SAMD4A: variants seen among roughly 807,000 people sequenced by gnomAD.
The protein encoded by SAMD4A is sterile alpha motif domain containing 4A, also known as protein Smaug homolog 1.
In SAMD4A, 33 loss-of-function variants were observed where a neutral mutation model predicts 81.3. That is an observed-to-expected ratio of 0.41 (90% CI 0.31 to 0.54). The LOEUF (loss-of-function observed/expected upper bound fraction) is 0.54. Ranked by LOEUF, SAMD4A falls within the 20% of genes least tolerant of loss-of-function variation. The pLI is 0.37. For synonymous variants in SAMD4A, 389 were observed against 382.1 expected, an observed-to-expected ratio of 1.02 and a Z score of -0.21; for missense variants, 854 against 951.1, an observed-to-expected ratio of 0.90 and a Z score of 1.34.
chr14:54,625,412 G>A (rs2140315969), intron 2 of SAMD4A, among the ~76,000 whole-genome samples: 1 of 152,334 alleles, frequency 6.6e-6, no homozygotes, highest in Admixed American at 6.5e-5. Context: ...GGAATGGAAT[G>A]TAAACATTGT....
intron 2 of SAMD4A, among the ~76,000 whole-genome samples, chr14:54,624,668 A>C (rs2034703024): frequency 6.6e-6 from 1 of 152,226 alleles, no homozygotes; most frequent in Non-Finnish European, 1.5e-5. Context: ...ATTGGCAAGA[A>C]AGCAAATAGT....
At chr14:54,581,232 A>G (rs546603530) in intron 2 of SAMD4A, among the ~76,000 whole-genome samples, 1 of 152,372 alleles carries the variant, frequency 6.6e-6, no homozygotes, top group Admixed American at 6.5e-5. Flanking sequence ...GTATTATACA[A>G]AAGCAGAGCG....
At chr14:54,661,848 G>C (rs1032998643) in intron 2 of SAMD4A, among the ~76,000 whole-genome samples, 1 of 152,078 alleles carries the variant, frequency 6.6e-6, no homozygotes, top group Non-Finnish European at 1.5e-5. Context: ...ACCAGGTGCC[G>C]AATGCTTATC....
chr14:54,694,793 T>C, intron 2 of SAMD4A: 1 of 985,408 alleles, frequency 1.0e-6, no homozygotes, highest in Non-Finnish European at 1.2e-6. Flanking sequence ...TCAGGACTAC[T>C]TCCCAGCTGG....
intron 3 of SAMD4A, among the ~76,000 whole-genome samples, chr14:54,729,899 TGGCTTCTTGTCTAGG>T (rs1447520871): frequency 6.6e-6 from 1 of 152,204 alleles, no homozygotes; most frequent in African/African-American, 2.4e-5. Flanking sequence ...ATATACATAT[TGGCTTCTTGTCTAGG>T]TATTTCATAA....
chr14:54,737,930 C>A (rs1383392758), intron 4 of SAMD4A, among the ~76,000 whole-genome samples: 2 of 138,456 alleles, frequency 1.4e-5, no homozygotes, highest in Non-Finnish European at 3.1e-5. Context: ...AAATAAATTC[C>A]TCCATTGCCT....
intron 7 of SAMD4A, among the ~76,000 whole-genome samples, chr14:54,761,587 A>G (rs1377525867): frequency 6.6e-6 from 1 of 152,154 alleles, no homozygotes; most frequent in East Asian, 1.9e-4. Flanking sequence ...ACTAGTTTAT[A>G]CAAAGCCTTC....
intron 2 of SAMD4A, among the ~76,000 whole-genome samples, chr14:54,571,197 G>T (rs2033118397): frequency 6.6e-6 from 1 of 152,122 alleles, no homozygotes; most frequent in Non-Finnish European, 1.5e-5. Flanking sequence ...GTGATTCACT[G>T]GTTCATCCTT....
chr14:54,709,668 TCAC>T (rs1240752380), intron 3 of SAMD4A, among the ~76,000 whole-genome samples: 2 of 152,114 alleles, frequency 1.3e-5, no homozygotes, highest in African/African-American at 4.8e-5. Context: ...TGTGTGTTCT[TCAC>T]CACGAGCCTG....
chr14:54,633,863 T>C (rs967409179), intron 2 of SAMD4A, among the ~76,000 whole-genome samples: 2 of 152,158 alleles, frequency 1.3e-5, no homozygotes, highest in Non-Finnish European at 2.9e-5. Context: ...TAAACAAATA[T>C]CAGCTTTTAT....
intron 3 of SAMD4A, among the ~76,000 whole-genome samples, chr14:54,705,970 G>A (rs938999016): frequency 1.3e-5 from 2 of 152,194 alleles, no homozygotes; most frequent in Non-Finnish European, 2.9e-5. Flanking sequence ...AGGCATATAG[G>A]ATGAAGTGCC....
At chr14:54,614,634 G>A (rs1466885672) in intron 2 of SAMD4A, among the ~76,000 whole-genome samples, 1 of 152,088 alleles carries the variant, frequency 6.6e-6, no homozygotes, top group African/African-American at 2.4e-5. Flanking sequence ...TATCTATTTT[G>A]TTTTCATAAA....
intron 2 of SAMD4A, among the ~76,000 whole-genome samples, chr14:54,620,833 C>T (rs981548977): frequency 6.6e-6 from 1 of 152,212 alleles, no homozygotes; most frequent in African/African-American, 2.4e-5. Flanking sequence ...AATCATAGCT[C>T]ACTGTAAACT....
chr14:54,702,241 C>T lies in SAMD4A; in HGVS notation c.376C>T (p.Leu126=). The T allele has an allele frequency of 6.2e-7, 1 of 1,614,218 alleles. No homozygotes were observed. Among genetic ancestry groups the T allele is most frequent in the Non-Finnish European group, 8.5e-7 (1 of 1,180,034 alleles). ...NQHIEESRQL[L]SYALIHPATS... ...GCACATTGAGGAGAGCAGGCAGCTGCTGTCCTATGCTTTGATACATCCAGC... is the reference window on the plus strand; with the variant it reads ...GCACATTGAGGAGAGCAGGCAGCTGTTGTCCTATGCTTTGATACATCCAGC... The change falls in exon 3 of 13, where the codon CTG becomes TTG. Residue 126 remains leucine (L), a synonymous_variant. Transcript: ENST00000554335.
intron 2 of SAMD4A, among the ~76,000 whole-genome samples, chr14:54,678,488 T>A (rs2036044945): frequency 1.6e-5 from 1 of 63,912 alleles, no homozygotes; most frequent in African/African-American, 5.4e-5. Flanking sequence ...TGTGTGTGTG[T>A]GTGTGTGTGT....
rs768130667 is a variant in SAMD4A at position 54,702,498 on chromosome 14, G to T, written c.633G>T (p.Gly211=). Residue 211 remains glycine, a synonymous_variant, in exon 3 of 13, where the codon GGG becomes GGT. Coordinates refer to ENST00000554335, the MANE Select transcript of SAMD4A (RefSeq NM_015589.6). ...NASNWQDKSM[G]CENGHVPLYS... ...CCAACTGGCAGGACAAAAGCATGGG[G>T]TGTGAGAATGGCCATGTGCCCCTCT... The T allele has an allele frequency of 6.2e-7, 1 of 1,614,204 alleles. No individual in the cohort carries two copies. Among genetic ancestry groups the T allele is most frequent in the Admixed American group, 1.7e-5 (1 of 60,020 alleles).
intron 2 of SAMD4A, among the ~76,000 whole-genome samples, chr14:54,577,134 AG>A (rs2033321596): frequency 2.0e-5 from 3 of 152,256 alleles, no homozygotes. Flanking sequence ...GGAGCCACAT[AG>A]AATGTGCTTG....
chr14:54,673,011 T>C (rs938755723), intron 2 of SAMD4A, among the ~76,000 whole-genome samples: 1 of 152,218 alleles, frequency 6.6e-6, no homozygotes, highest in Non-Finnish European at 1.5e-5. Context: ...CCTGGGACCC[T>C]TTCTCGAAGG....
chr14:54,632,332 T>C (rs2140342714), intron 2 of SAMD4A, among the ~76,000 whole-genome samples: 1 of 152,340 alleles, frequency 6.6e-6, no homozygotes, highest in South Asian at 2.1e-4. Flanking sequence ...ATAGTCAGTA[T>C]GTGCATGTTT....
Sources: gnomAD v4.1 joint callset for allele counts (sites outside exome capture counted in the v4.1 genomes callset) on GRCh38, gnomAD v4.1.1 for gene constraint, MANE v1.5 for transcripts, NCBI Gene and HGNC (gene_info 2026-07-23, HGNC 2026-07-21) for gene names.